KALRN: variants seen among roughly 807,000 people sequenced by gnomAD.
The protein encoded by KALRN is kalirin.
Under a neutral mutation model 353.7 loss-of-function variants are expected in KALRN, and 70 were observed. The ratio of observed to expected loss-of-function variants is 0.20; its 90% CI spans 0.16 to 0.24. The LOEUF is 0.24. Among genes scored for constraint, KALRN ranks in the 10% least tolerant of loss-of-function variants. The pLI, the probability that KALRN is intolerant of heterozygous loss-of-function variation, is 1.00. For missense variants in KALRN, 2,791 were observed against 3,756.7 expected (o/e 0.74, Z 6.72); for synonymous variants, 1,391 against 1,434.8 (o/e 0.97, Z 0.69).
intron 1 of KALRN, among the ~76,000 whole-genome samples, chr3:124,212,044 A>C (rs1315233740): frequency 6.6e-6 from 1 of 152,222 alleles, no homozygotes; most frequent in Non-Finnish European, 1.5e-5. Flanking sequence ...GAGGCAAGGC[A>C]TGGGCATTTA....
intron 37 of KALRN, among the ~76,000 whole-genome samples, chr3:124,641,927 T>C (rs540353663): frequency 2.0e-4 from 30 of 152,314 alleles, no homozygotes; most frequent in African/African-American, 5.1e-4. Context: ...ATCTCTAAAC[T>C]GAAGTCCTGG....
chr3:124,600,909 G>C (rs997424628), intron 34 of KALRN, among the ~76,000 whole-genome samples: 2 of 152,182 alleles, frequency 1.3e-5, no homozygotes, highest in Non-Finnish European at 2.9e-5. Flanking sequence ...AAGTGCCCAG[G>C]GTAGAATCAT....
At chr3:124,384,714 G>C in intron 10 of KALRN, 131 bp from the exon 11 acceptor site, 4 of 843,600 alleles carry the variant, frequency 4.7e-6, no homozygotes, top group East Asian at 2.8e-5. Flanking sequence ...CGCGCACCGC[G>C]CCTCAGTGCC....
chr3:124,174,973 G>A (rs1318213675), intron 1 of KALRN, among the ~76,000 whole-genome samples: 1 of 152,236 alleles, frequency 6.6e-6, no homozygotes, highest in African/African-American at 2.4e-5. Flanking sequence ...GTCCATGTGA[G>A]GACTTTGTGT....
chr3:124,660,791 C>T (rs1002477147), intron 43 of KALRN, 132 bp from the exon 44 acceptor site: 1 of 665,924 alleles, frequency 1.5e-6, no homozygotes, highest in Non-Finnish European at 2.8e-6. Context: ...CTCAGCTACT[C>T]TACACCATTG....
intron 33 of KALRN, among the ~76,000 whole-genome samples, chr3:124,562,091 G>T (rs540153824): frequency 6.6e-6 from 1 of 152,308 alleles, no homozygotes; most frequent in Admixed American, 6.5e-5. Context: ...AGGGCTGGGC[G>T]TATGCTCCTA....
At chr3:124,061,537 T>C (rs1484612072) in intron 1 of KALRN, among the ~76,000 whole-genome samples, 2 of 152,216 alleles carry the variant, frequency 1.3e-5, no homozygotes, top group African/African-American at 4.8e-5. Flanking sequence ...TAATTCCAAA[T>C]AAAACCCTCT....
intron 45 of KALRN, among the ~76,000 whole-genome samples, chr3:124,664,381 G>GCGCA (rs1280321492): frequency 6.7e-6 from 1 of 148,548 alleles, no homozygotes; most frequent in East Asian, 2.0e-4. Flanking sequence ...GCGCGCGCGC[G>GCGCA]CATATAAGGG....
At chr3:124,178,404 C>G (rs1156464737) in intron 1 of KALRN, among the ~76,000 whole-genome samples, 1 of 152,132 alleles carries the variant, frequency 6.6e-6, no homozygotes, top group Non-Finnish European at 1.5e-5. Flanking sequence ...GGGTTATGTT[C>G]TGAGAAATGT....
chr3:124,318,908 G>A (rs558015016), intron 6 of KALRN, among the ~76,000 whole-genome samples: 1 of 152,184 alleles, frequency 6.6e-6, no homozygotes, highest in Non-Finnish European at 1.5e-5. Flanking sequence ...AGCAATGGCT[G>A]GGTTCCTTTT....
intron 34 of KALRN, among the ~76,000 whole-genome samples, chr3:124,587,698 C>CATTTTTTTTTT (rs2075338375): frequency 1.3e-5 from 1 of 75,860 alleles, no homozygotes; most frequent in Non-Finnish European, 2.3e-5. Context: ...CCACCCTCCA[C>CATTTTTTTTTT]TTTTTTTTTT....
intron 56 of KALRN, among the ~76,000 whole-genome samples, chr3:124,700,665 GA>G (rs2062278146): frequency 6.6e-6 from 1 of 152,190 alleles, no homozygotes; most frequent in Non-Finnish European, 1.5e-5. Context: ...CTATCCTAAA[GA>G]AATCTCCAAA....
intron 1 of KALRN, among the ~76,000 whole-genome samples, chr3:124,108,521 C>T (rs774792241): frequency 2.0e-5 from 3 of 152,212 alleles, no homozygotes; most frequent in Non-Finnish European, 2.9e-5. Flanking sequence ...TACTTCTCTA[C>T]ATCCTTGGTC....
At chr3:124,512,524 G>A (rs945380586) in intron 33 of KALRN, among the ~76,000 whole-genome samples, 2 of 152,102 alleles carry the variant, frequency 1.3e-5, no homozygotes, top group South Asian at 2.1e-4. Context: ...GGTGGCACAC[G>A]CCTGTAATCC....
chr3:124,520,070 C>T (rs745685323), intron 33 of KALRN, among the ~76,000 whole-genome samples: 2 of 151,584 alleles, frequency 1.3e-5, no homozygotes, highest in Non-Finnish European at 2.9e-5. Flanking sequence ...TGCCTAGCAA[C>T]AGAATTTGTT....
intron 3 of KALRN, among the ~76,000 whole-genome samples, chr3:124,246,412 G>A (rs1276693329): frequency 1.3e-5 from 2 of 152,222 alleles, no homozygotes; most frequent in African/African-American, 4.8e-5. Context: ...TTAACAGGGA[G>A]CGCACATTAA....
At chr3:124,243,998 A>T (rs2080820216) in intron 3 of KALRN, among the ~76,000 whole-genome samples, 1 of 152,214 alleles carries the variant, frequency 6.6e-6, no homozygotes, top group African/African-American at 2.4e-5. Context: ...GATTAGAGCT[A>T]GTAGTGATAG....
intron 7 of KALRN, 38 bp from the exon 8 acceptor site, chr3:124,329,823 A>G: frequency 6.2e-7 from 1 of 1,600,508 alleles, no homozygotes; most frequent in Non-Finnish European, 8.5e-7. Flanking sequence ...CCTCACCCCC[A>G]GTGCTCCCCC....
chr3:124,500,021 A>T (rs2064328438), intron 33 of KALRN, among the ~76,000 whole-genome samples: 1 of 152,214 alleles, frequency 6.6e-6, no homozygotes, highest in Non-Finnish European at 1.5e-5. Flanking sequence ...ATACATCTAA[A>T]AGGTACATAA....
Sources: allele counts gnomAD v4.1 joint callset (sites outside exome capture counted in the v4.1 genomes callset), GRCh38; gene constraint gnomAD v4.1.1; transcripts MANE v1.5; gene names NCBI Gene and HGNC (gene_info 2026-07-23, HGNC 2026-07-21).